Variants in MORC4 observed in about 807,000 individuals in gnomAD.
The protein encoded by MORC4 is MORC family CW-type zinc finger 4, also known as MORC family CW-type zinc finger protein 4.
A neutral mutation model predicts 65.5 loss-of-function variants in MORC4; 22 were observed. That is an observed-to-expected ratio of 0.34 (90% confidence interval 0.24 to 0.48). The LOEUF (loss-of-function observed/expected upper bound fraction) is 0.48. MORC4 is among the 20% of genes least tolerant of loss of function. The probability of loss-of-function intolerance (pLI) is 0.99; values close to 1 mark genes in which losing one functional copy is unlikely to be tolerated. For synonymous variants in MORC4, 267 were observed against 255.8 expected (o/e 1.04, Z -0.42); for missense variants, 624 against 703.0 (o/e 0.89, Z 1.27).
chrX:106,990,647 T>G (rs1203372445), intron 3 of MORC4, among the ~76,000 whole-genome samples: 2 of 112,310 alleles, frequency 1.8e-5, no homozygotes, highest in Non-Finnish European at 3.8e-5. Context: ...CAAGGCGGGC[T>G]GATCACTTCG....
At chrX:106,955,604 G>A (rs1447518361) in intron 13 of MORC4, among the ~76,000 whole-genome samples, 1 of 111,543 alleles carries the variant, frequency 9.0e-6, no homozygotes. Context: ...ATTAAGGTGA[G>A]GGAAAATATA....
At chrX:106,941,916 T>C in intron 16 of MORC4, 22 bp downstream of exon 16, 2 of 1,193,041 alleles carry the variant, frequency 1.7e-6, no homozygotes, top group Non-Finnish European at 2.3e-6. Context: ...CACAAGCTGA[T>C]AACTAAACCC....
At chrX:106,992,204 T>C (rs1237162032) in intron 3 of MORC4, among the ~76,000 whole-genome samples, 3 of 112,264 alleles carry the variant, frequency 2.7e-5, no homozygotes, top group Non-Finnish European at 5.6e-5. Context: ...CGCAACCATT[T>C]ACTTTGCCCA....
At chrX:106,984,467 T>TTC (rs1264222855) in intron 5 of MORC4, among the ~76,000 whole-genome samples, 10 of 54,514 alleles carry the variant, frequency 1.8e-4, no homozygotes, top group African/African-American at 5.3e-4. Context: ...TCTTTTTTCT[T>TTC]TTTTTTTTTT....
chrX:106,993,329 G>A lies in MORC4; in HGVS notation c.209C>T (p.Thr70Met), dbSNP rs374661200. 7.5e-6 allele frequency: 9 copies of A among 1,207,800 alleles called. No individual in the cohort carries two copies. The highest frequency in any genetic ancestry group is 3.5e-5 in the African/African-American group (2 of 57,280). Residue 70 changes from threonine to methionine, a missense_variant, in exon 3 of 17, where the codon ACG (threonine) becomes ATG (methionine). Thr to Met is a moderately conservative substitution (Grantham distance 81, BLOSUM62 -1). Transcript: ENST00000355610. ...NAVDPDVSAR[T>M]VFIDVEEVKN... ...GACCTCCTCAACATCTATAAAGACC[G>A]TCCTGGCAGATACATCTGGATCTAC...
chrX:106,974,813 T>C (rs1314372942), intron 9 of MORC4, among the ~76,000 whole-genome samples: 1 of 111,750 alleles, frequency 8.9e-6, no homozygotes, highest in Non-Finnish European at 1.9e-5. Context: ...CTCTCTTAAA[T>C]TCCTTTTTTT....
In MORC4 at chrX:106,981,426, G is replaced by A. The variant is rs1227382807; in HGVS notation, c.726C>T (p.Ile242=). The part of the protein sequence containing the change: ...ELDFDTDQYD[I]LVSDFDTEEK... ...CTTCTGTGTCAAAGTCTGATACCAG[G>A]ATGTCATATTGATCTGTATCAAAGT... is the stretch of plus-strand genomic sequence containing the variant. The change falls in exon 6 of 17, where the codon ATC becomes ATT. Residue 242 remains isoleucine (I), a synonymous_variant. Coordinates refer to ENST00000355610, the MANE Select transcript of MORC4 (RefSeq NM_024657.5). 8.3e-7 allele frequency: 1 copy of A among 1,202,097 alleles called. No homozygotes were observed. The highest frequency in any genetic ancestry group is 3.0e-5 in the East Asian group (1 of 33,704).
At chrX:106,998,647 G>A (rs984121802) in intron 2 of MORC4, among the ~76,000 whole-genome samples, 11 of 112,190 alleles carry the variant, frequency 9.8e-5, no homozygotes, top group African/African-American at 3.6e-4. Context: ...TCTGCTCTAG[G>A]GTTCCAAACG....
rs1029216323 is a variant in MORC4, at chrX:106,999,648, A to T, written c.175+29T>A. ...ACGCTGGCACCACTGCCTCGGGCGA[A>T]CACGGCCGGGCCCGCCCTCGCCACT... is the stretch of plus-strand genomic sequence containing the variant. On this transcript the variant is annotated intron_variant, in intron 2 of 16. Coordinates refer to ENST00000355610, the MANE Select transcript of MORC4 (RefSeq NM_024657.5). The T allele has an allele frequency of 1.3e-5, 15 of 1,118,372 alleles. No individual in the cohort carries two copies. In the African/African-American group the frequency reaches 2.9e-4, roughly 22 times the overall value. 92.2% of individuals were successfully genotyped at this position (1,118,372 alleles called of 1,213,427 possible).
intron 9 of MORC4, among the ~76,000 whole-genome samples, chrX:106,969,565 TAGAC>T (rs775917678): frequency 5.4e-5 from 6 of 111,384 alleles, no homozygotes; most frequent in African/African-American, 9.8e-5. Context: ...AGCAACGAAA[TAGAC>T]AGACTGCTAG....
At chrX:106,982,588 G>A (rs1359909344) in intron 5 of MORC4, among the ~76,000 whole-genome samples, 1 of 110,958 alleles carries the variant, frequency 9.0e-6, no homozygotes, top group Non-Finnish European at 1.9e-5. Flanking sequence ...CCCCATCTAA[G>A]GAAAAAAGGT....
At chrX:106,981,142 C>A (rs1373638683) in intron 6 of MORC4, 123 bp from the exon 7 acceptor site, 19 of 909,209 alleles carry the variant, frequency 2.1e-5, no homozygotes, top group African/African-American at 5.9e-5. Flanking sequence ...AGTTTCTATA[C>A]CTTATTACAC....
intron 7 of MORC4, among the ~76,000 whole-genome samples, chrX:106,978,715 C>T (rs1464168718): frequency 9.0e-6 from 1 of 110,941 alleles, no homozygotes; most frequent in Non-Finnish European, 1.9e-5. Context: ...AATCATAAAA[C>T]ATTTCTTAGC....
At chrX:106,944,410 A>C (rs1328485520) in intron 14 of MORC4, among the ~76,000 whole-genome samples, 1 of 112,118 alleles carries the variant, frequency 8.9e-6, no homozygotes, top group Non-Finnish European at 1.9e-5. Context: ...ATCAGTTGGC[A>C]GGTACAAAGG....
At chrX:106,963,484 T>A (rs1569300406) in intron 9 of MORC4, among the ~76,000 whole-genome samples, 1 of 111,776 alleles carries the variant, frequency 8.9e-6, no homozygotes, top group African/African-American at 3.3e-5. Context: ...TAGGAGCCAG[T>A]GTGGGCAAAA....
rs1569304892 is a variant in MORC4 at position 106,978,027 on chromosome X, T to C, written c.1056+53A>G. 6 of 1,190,539 alleles carry C rather than the reference T, an allele frequency of 5.0e-6. No individual in the cohort carries two copies. In the East Asian group the frequency reaches 1.2e-4, roughly 24 times the overall value. Reference sequence around the variant, plus strand: ...GCCTATCCCCTTTGCAAATTTTAAATTCTCTTCCTACTCTTTTCAGCCTCC... The same window carrying C: ...GCCTATCCCCTTTGCAAATTTTAAACTCTCTTCCTACTCTTTTCAGCCTCC... On this transcript the variant is annotated intron_variant, in intron 8 of 16. Coordinates refer to ENST00000355610, the MANE Select transcript of MORC4 (RefSeq NM_024657.5).
At chrX:106,973,232 T>C (rs751573228) in intron 9 of MORC4, among the ~76,000 whole-genome samples, 65 of 111,921 alleles carry the variant, frequency 5.8e-4, no homozygotes, top group African/African-American at 1.9e-3. Context: ...TTCTCCCCCA[T>C]TCAAACAAGA....
chrX:106,992,256 T>C (rs1323671042), intron 3 of MORC4, among the ~76,000 whole-genome samples: 1 of 112,611 alleles, frequency 8.9e-6, no homozygotes, highest in East Asian at 2.8e-4. Flanking sequence ...GGGATTTCCC[T>C]ACAAACAGAG....
At chrX:106,961,333 T>C (rs1011126496) in intron 10 of MORC4, among the ~76,000 whole-genome samples, 3 of 112,363 alleles carry the variant, frequency 2.7e-5, no homozygotes, top group Non-Finnish European at 1.9e-5. Flanking sequence ...CATCTTCTAC[T>C]ATATCACACT....
Sources: gnomAD v4.1 joint callset for allele counts (sites outside exome capture counted in the v4.1 genomes callset) on GRCh38, gnomAD v4.1.1 for gene constraint, MANE v1.5 for transcripts, NCBI Gene and HGNC (gene_info 2026-07-23, HGNC 2026-07-21) for gene names.